Variants in DRC1 observed in about 807,000 individuals in gnomAD.
The protein encoded by DRC1 is dynein regulatory complex protein 1.
A neutral mutation model predicts 98.7 loss-of-function variants in DRC1; 74 were observed. That is an observed-to-expected ratio of 0.75 (90% confidence interval 0.62 to 0.91). The LOEUF is 0.91. DRC1 is among the 40% of genes least tolerant of loss of function. DRC1 has a pLI of 0.00. For missense variants in DRC1, 875 were observed against 886.0 expected (o/e 0.99, Z 0.16); for synonymous variants, 336 against 334.1 (o/e 1.01, Z -0.06).
At chr2:26,452,096 A>G (rs927883232) in intron 13 of DRC1, among the ~76,000 whole-genome samples, 2 of 147,750 alleles carry the variant, frequency 1.4e-5, no homozygotes, top group Non-Finnish European at 3.0e-5. Context: ...GTTGGCGCAA[A>G]AAAAAAAAAA....
At chr2:26,407,394 T>TC (rs888243619) in intron 1 of DRC1, among the ~76,000 whole-genome samples, 2 of 151,960 alleles carry the variant, frequency 1.3e-5, no homozygotes, top group Non-Finnish European at 2.9e-5. Flanking sequence ...CTGCACTAAA[T>TC]CCCCAAAGAC....
At chr2:26,443,292 T>A (rs1358012671) in intron 8 of DRC1, among the ~76,000 whole-genome samples, 1 of 152,198 alleles carries the variant, frequency 6.6e-6, no homozygotes, top group Non-Finnish European at 1.5e-5. Context: ...TAGTTTGAAG[T>A]CTGAAGTATG....
At position 26,444,236 on chromosome 2, in the gene DRC1, T is replaced by G. The variant is rs762125120; in HGVS notation, c.1043T>G (p.Leu348Arg). 6 of 1,614,174 alleles carry G rather than the reference T, an allele frequency of 3.7e-6. No individual in the cohort carries two copies. The highest frequency in any genetic ancestry group is 5.1e-6 in the Non-Finnish European group (6 of 1,180,032). The change falls in exon 9 of 17, where the codon CTT becomes CGT. Residue 348 changes from leucine to arginine, a missense_variant. By Grantham distance (102) the Leu-to-Arg change is moderately radical. Transcript: ENST00000288710. ...KRKINRLHDI[L>R]NNLRSKYAKQ... is the part of the protein sequence containing the mutation. ...CCTTCAACCAGCCTGCATGATATAC[T>G]TAACAATCTGAGATCAAAATATGCC...
chr2:26,446,136 G>A lies in DRC1; in HGVS notation c.1396+1188G>A, dbSNP rs13421283. On this transcript the variant is annotated intron_variant, in intron 10 of 16. Coordinates refer to ENST00000288710, the MANE Select transcript of DRC1 (RefSeq NM_145038.5). ...TTTTTTGAGATGGTCTCACTCTGTC[G>A]CCCAGGCTGGAGGGCAGTGGTGGGA... Among the ~76,000 whole-genome samples the A allele has an allele frequency of 1.1e-4, 14 of 127,610 alleles. No individual in the cohort carries two copies. In the East Asian group the frequency reaches 2.7e-3, roughly 25 times the overall value. The allele number at this position is 127,610 out of a possible 152,430, so 83.7% of individuals were successfully genotyped here.
At chr2:26,433,601 C>T (rs1258396435) in intron 7 of DRC1, among the ~76,000 whole-genome samples, 1 of 152,154 alleles carries the variant, frequency 6.6e-6, no homozygotes, top group Non-Finnish European at 1.5e-5. Flanking sequence ...AAACTACATA[C>T]TGTTGGCCTC....
At chr2:26,428,549 A>G (rs1390651008) in intron 4 of DRC1, among the ~76,000 whole-genome samples, 1 of 152,272 alleles carries the variant, frequency 6.6e-6, no homozygotes, top group African/African-American at 2.4e-5. Flanking sequence ...CTGTAATCCC[A>G]GCACTTTGGG....
intron 11 of DRC1, among the ~76,000 whole-genome samples, chr2:26,449,075 A>G (rs977424093): frequency 2.0e-5 from 3 of 152,264 alleles, no homozygotes; most frequent in Admixed American, 1.3e-4. Context: ...GGCTCCTGCC[A>G]GCTTAAAATG....
intron 2 of DRC1, among the ~76,000 whole-genome samples, chr2:26,418,943 C>T (rs1401831610): frequency 6.8e-6 from 1 of 147,890 alleles, no homozygotes; most frequent in Non-Finnish European, 1.5e-5. Context: ...GGCTGGAGTA[C>T]AGTTGCATGA....
chr2:26,448,581 T>A, intron 10 of DRC1, 110 bp from the exon 11 acceptor site: 1 of 1,135,054 alleles, frequency 8.8e-7, no homozygotes. Context: ...CAGAGGCTTT[T>A]TAAGAGGTAC....
In DRC1 at chr2:26,442,308, C is replaced by T. The variant is rs529630231; in HGVS notation, c.1028+1791C>T. ...CATTCAAGCCGTAGCAACCTATGACCCCAGGATTGGACAAAAACTTCCCAC... is the reference window on the plus strand; with the variant it reads ...CATTCAAGCCGTAGCAACCTATGACTCCAGGATTGGACAAAAACTTCCCAC... On this transcript the variant is annotated intron_variant, in intron 8 of 16. Transcript: ENST00000288710. Among the ~76,000 whole-genome samples, 5 of 152,258 alleles carry T rather than the reference C, an allele frequency of 3.3e-5. No homozygotes were observed. In the East Asian group the frequency reaches 9.6e-4, roughly 29 times the overall value.
chr2:26,418,566 AAT>A (rs1275505102), intron 2 of DRC1, among the ~76,000 whole-genome samples: 6 of 106,026 alleles, frequency 5.7e-5, no homozygotes, highest in Non-Finnish European at 1.0e-4. Flanking sequence ...ATTTATATAT[AAT>A]ATATATTATA....
intron 16 of DRC1, 86 bp downstream of exon 16, chr2:26,455,319 C>T (rs569550056): frequency 1.6e-6 from 2 of 1,268,972 alleles, no homozygotes; most frequent in South Asian, 1.3e-5. Context: ...AACGAGGAGT[C>T]CCCTCCCCGT....
chr2:26,422,855 C>T (rs187451188), intron 3 of DRC1, among the ~76,000 whole-genome samples: 5 of 147,788 alleles, frequency 3.4e-5, no homozygotes, highest in Admixed American at 6.9e-5. Flanking sequence ...AGGAGGTGGA[C>T]GTTGTAGTGA....
In DRC1 at chr2:26,429,607, CT is replaced by C. The variant is rs1335439036; in HGVS notation, c.541-17del. ...GCTCCTGACACAGTTTGTGGCCAGA[CT>C]TTTACATGCTCTTTTCTAGGAGTTA... On this transcript the variant is annotated intron_variant, in intron 4 of 16. Coordinates refer to ENST00000288710, the MANE Select transcript of DRC1 (RefSeq NM_145038.5). 3 of 1,611,974 alleles carry C rather than the reference CT, an allele frequency of 1.9e-6. No individual in the cohort carries two copies. The highest frequency in any genetic ancestry group is 2.5e-6 in the Non-Finnish European group (3 of 1,179,028).
At chr2:26,415,270 T>C (rs28676410) in intron 2 of DRC1, among the ~76,000 whole-genome samples, 4,571 of 152,226 alleles carry the variant, frequency 0.03, 206 homozygotes, top group African/African-American at 0.097. Context: ...ATTTAATCAA[T>C]GTTAAGTGAA....
At position 26,448,689 on chromosome 2, in the gene DRC1, A is replaced by G. The variant is rs752882432; in HGVS notation, c.1397-2A>G. On this transcript the variant is annotated splice_acceptor_variant, in intron 10 of 16. Coordinates refer to ENST00000288710, the MANE Select transcript of DRC1 (RefSeq NM_145038.5). LOFTEE classifies it high-confidence loss of function. Reference sequence around the variant, plus strand: ...TCTCTCCTCCCCATGACCCAACTGCAGAAGAGGAGGAGGCAGAAGAGGCCG... The same window carrying G: ...TCTCTCCTCCCCATGACCCAACTGCGGAAGAGGAGGAGGCAGAAGAGGCCG... 2 of 1,614,046 alleles carry G rather than the reference A, an allele frequency of 1.2e-6. No homozygotes were observed. Among genetic ancestry groups the G allele is most frequent in the South Asian group, 1.1e-5 (1 of 91,076 alleles).
intron 1 of DRC1, among the ~76,000 whole-genome samples, chr2:26,406,198 T>C (rs1678420923): frequency 1.3e-5 from 2 of 152,194 alleles, no homozygotes; most frequent in South Asian, 2.1e-4. Flanking sequence ...AGAACTTAGA[T>C]TGACAAGAGC....
In DRC1 at chr2:26,418,614, A is replaced by T. The variant is rs1678913600; in HGVS notation, c.244-2674A>T. ...ATATAATTTATATAATATATAAATT[A>T]TATATAATATAAATTATATATAATT... is the stretch of plus-strand genomic sequence containing the variant. On this transcript the variant is annotated intron_variant, in intron 2 of 16. Coordinates refer to ENST00000288710, the MANE Select transcript of DRC1 (RefSeq NM_145038.5). Among the ~76,000 whole-genome samples the T allele has an allele frequency of 3.1e-5, 3 of 97,812 alleles. No homozygotes were observed. In the South Asian group the frequency reaches 7.9e-4, roughly 26 times the overall value. 64.2% of individuals were successfully genotyped at this position (97,812 alleles called of 152,430 possible).
At chr2:26,449,400 G>A (rs759673690) in intron 11 of DRC1, among the ~76,000 whole-genome samples, 1 of 152,222 alleles carries the variant, frequency 6.6e-6, no homozygotes, top group Non-Finnish European at 1.5e-5. Context: ...GCCACTGAGG[G>A]CAGCTGCTGC....
Sources: gnomAD v4.1 joint callset for allele counts (sites outside exome capture counted in the v4.1 genomes callset) on GRCh38, gnomAD v4.1.1 for gene constraint, MANE v1.5 for transcripts, NCBI Gene and HGNC (gene_info 2026-07-23, HGNC 2026-07-21) for gene names.